ATP2B2: variants seen among roughly 807,000 people sequenced by gnomAD.
ATP2B2 encodes the protein plasma membrane calcium-transporting ATPase 2.
A neutral mutation model predicts 120.0 loss-of-function variants in ATP2B2; 15 were observed. The observed-to-expected ratio is 0.12, with a 90% CI of 0.08 to 0.19. The LOEUF is 0.19. Ranked by LOEUF, ATP2B2 falls within the 10% of genes least tolerant of loss-of-function variation. The pLI, the probability that ATP2B2 is intolerant of heterozygous loss-of-function variation, is 1.00. For synonymous variants in ATP2B2, 694 were observed against 700.3 expected (o/e 0.99, Z 0.14); for missense variants, 1,045 against 1,719.8 (o/e 0.61, Z 6.94).
At chr3:10,617,228 T>C (rs2069414144) in intron 2 of ATP2B2, among the ~76,000 whole-genome samples, 2 of 152,264 alleles carry the variant, frequency 1.3e-5, no homozygotes, top group Admixed American at 1.3e-4. Flanking sequence ...TAGTTCCTTA[T>C]ATTTTGAAAG....
chr3:10,548,733 G>A (rs897245878), intron 2 of ATP2B2, among the ~76,000 whole-genome samples: 3 of 152,220 alleles, frequency 2.0e-5, no homozygotes, highest in African/African-American at 4.8e-5. Context: ...CACTTGAATC[G>A]TCATCTTATG....
chr3:10,496,626 C>T (rs2066160197), intron 1 of ATP2B2, among the ~76,000 whole-genome samples: 1 of 152,128 alleles, frequency 6.6e-6, no homozygotes, highest in South Asian at 2.1e-4. Context: ...GAGTCCAACC[C>T]AAGATCCACA....
intron 2 of ATP2B2, among the ~76,000 whole-genome samples, chr3:10,575,757 G>A (rs1049995712): frequency 3.3e-5 from 5 of 152,210 alleles, no homozygotes; most frequent in Non-Finnish European, 5.9e-5. Context: ...TCTGGTGTCT[G>A]AGGGAAGTTG....
intron 2 of ATP2B2, among the ~76,000 whole-genome samples, chr3:10,617,495 G>A (rs946649143): frequency 1.3e-5 from 2 of 152,246 alleles, no homozygotes. Flanking sequence ...GAAAGGAGGT[G>A]GCCTCGCTGT....
chr3:10,514,352 T>C (rs1455339940), intron 3 of ATP2B2, among the ~76,000 whole-genome samples: 3 of 152,110 alleles, frequency 2.0e-5, no homozygotes, highest in Non-Finnish European at 1.5e-5. Flanking sequence ...TGGCCGCCCT[T>C]GGGAGATGGT....
chr3:10,563,548 A>G (rs955884825), intron 2 of ATP2B2, among the ~76,000 whole-genome samples: 3 of 152,162 alleles, frequency 2.0e-5, no homozygotes, highest in African/African-American at 7.2e-5. Flanking sequence ...TTGCACCTGG[A>G]GGGTGGGGAA....
At position 10,504,611 on chromosome 3, in the gene ATP2B2, G is replaced by C. The variant is rs184365822; in HGVS notation, c.-320+854C>G. Among the ~76,000 whole-genome samples the C allele has an allele frequency of 6.6e-5, 10 of 152,180 alleles. 1 individual carries two copies. In the East Asian group the frequency reaches 1.9e-3, roughly 30 times the overall value. On this transcript the variant is annotated intron_variant, in intron 1 of 22. Transcript: ENST00000360273. ...CCTGGGTGAGCAGAGGACAGCCGTG[G>C]TGTGGAATAGCTACTTGGCTAGAAA... is the stretch of plus-strand genomic sequence containing the variant.
intron 1 of ATP2B2, among the ~76,000 whole-genome samples, chr3:10,457,820 C>T (rs562195541): frequency 6.6e-6 from 1 of 152,148 alleles, no homozygotes; most frequent in African/African-American, 2.4e-5. Flanking sequence ...AAAAAAAATC[C>T]CAAAGAAACC....
intron 2 of ATP2B2, among the ~76,000 whole-genome samples, chr3:10,561,355 T>A (rs1488760040): frequency 6.6e-6 from 1 of 152,190 alleles, no homozygotes; most frequent in East Asian, 1.9e-4. Flanking sequence ...ATGAGACATG[T>A]GCTATGTTGC....
chr3:10,431,860 C>A (rs2063326506), intron 2 of ATP2B2, among the ~76,000 whole-genome samples: 1 of 152,102 alleles, frequency 6.6e-6, no homozygotes, highest in Non-Finnish European at 1.5e-5. Context: ...GGGCTGGCAC[C>A]CTGAAACCCC....
rs755507023 is a variant in ATP2B2, at chr3:10,345,373, T to TGCG, written c.2703+8_2703+10dup. 50 of 1,614,104 alleles carry TGCG rather than the reference T, an allele frequency of 3.1e-5. No individual in the cohort carries two copies. In the African/African-American group the frequency reaches 5.6e-4, roughly 18 times the overall value. On this transcript the variant is annotated intron_variant, in intron 18 of 22. Transcript: ENST00000360273. Reference sequence around the variant, plus strand: ...TCCCCCAGGCTTTGGTGTGGTCTCCTGCGGACCCACCTGCGTGATGCAGGC... The same window carrying TGCG: ...TCCCCCAGGCTTTGGTGTGGTCTCCTGCGGCGGACCCACCTGCGTGATGCAGGC...
chr3:10,531,879 C>T (rs188967374), intron 3 of ATP2B2, among the ~76,000 whole-genome samples: 1 of 152,218 alleles, frequency 6.6e-6, no homozygotes, highest in Non-Finnish European at 1.5e-5. Flanking sequence ...TCCTCCATCG[C>T]TGCCCTTGGA....
intron 1 of ATP2B2, among the ~76,000 whole-genome samples, chr3:10,476,149 A>T (rs890435496): frequency 2.0e-5 from 3 of 152,268 alleles, no homozygotes; most frequent in South Asian, 2.1e-4. Flanking sequence ...CCCCCAAAAG[A>T]TAACCAGCTG....
Position 10,557,197 on chromosome 3 carries a change from A to C in ATP2B2, c.-414-23064T>G, listed in dbSNP as rs546844078. On this transcript the variant is annotated intron_variant, in intron 2 of 21. Coordinates refer to the ATP2B2 transcript ENST00000646379. ...TATGCAGCTTGGGCCCTGGGTGGCC[A>C]CTGCGTTCTGGAAGGCACAGTTCCA... Among the ~76,000 whole-genome samples the C allele has an allele frequency of 3.9e-5, 6 of 152,350 alleles. No homozygotes were observed. The South Asian group carries it at 6.2e-4, about 16-fold the overall frequency.
At position 10,645,356 on chromosome 3, in the gene ATP2B2, T is replaced by C. The variant is rs568444430; in HGVS notation, c.-459-25395A>G. On this transcript the variant is annotated intron_variant, in intron 1 of 21. Coordinates refer to the ATP2B2 transcript ENST00000646379. ...TGAGTATGAACAGTGGATTAAGCAA[T>C]AGCAGTGGAATAATGTTAAATTTGC... Among the ~76,000 whole-genome samples the C allele has an allele frequency of 1.8e-4, 28 of 152,318 alleles. 1 individual carries two copies. The South Asian group carries it at 4.8e-3, about 26-fold the overall frequency.
chr3:10,607,339 T>C (rs1221377654), intron 2 of ATP2B2, among the ~76,000 whole-genome samples: 1 of 152,188 alleles, frequency 6.6e-6, no homozygotes, highest in African/African-American at 2.4e-5. Context: ...CCCACAAAGC[T>C]GGGCACTCCC....
chr3:10,505,969 G>A (rs974993395), upstream of ATP2B2, among the ~76,000 whole-genome samples: 2 of 152,216 alleles, frequency 1.3e-5, no homozygotes, highest in East Asian at 1.9e-4. Flanking sequence ...TGGAGGGAAG[G>A]GGGTCCTGAG....
At chr3:10,628,778 T>C (rs985911997) in intron 1 of ATP2B2, among the ~76,000 whole-genome samples, 15 of 152,218 alleles carry the variant, frequency 9.9e-5, no homozygotes, top group African/African-American at 2.9e-4. Flanking sequence ...TGGTTATTTC[T>C]GGTAGTTCTG....
rs2066743082 is a variant in ATP2B2, at chr3:10,510,657, C to T, written c.-320+23382G>A. Reference sequence around the variant, plus strand: ...GCAAGGCCAGAGGCCAAGGTCAGAGCCATGAGCTCACAGTGTTACTGTGGA... The same window carrying T: ...GCAAGGCCAGAGGCCAAGGTCAGAGTCATGAGCTCACAGTGTTACTGTGGA... On this transcript the variant is annotated intron_variant, in intron 3 of 21. Coordinates refer to the ATP2B2 transcript ENST00000646379. 2.0e-5 allele frequency among the ~76,000 whole-genome samples: 3 copies of T among 152,220 alleles called. No individual in the cohort carries two copies. In the South Asian group the frequency reaches 6.2e-4, roughly 32 times the overall value.
Sources: gnomAD v4.1 joint callset for allele counts (sites outside exome capture counted in the v4.1 genomes callset) on GRCh38, gnomAD v4.1.1 for gene constraint, MANE v1.5 for transcripts, NCBI Gene and HGNC (gene_info 2026-07-23, HGNC 2026-07-21) for gene names.